FTSJ1: variants seen among roughly 807,000 people sequenced by gnomAD.
FTSJ1 encodes FtsJ RNA 2'-O-methyltransferase 1, also known as tRNA (cytidine(32)/guanosine(34)-2'-O)-methyltransferase.
FTSJ1 carries 3 observed loss-of-function variants against 28.5 expected under a neutral mutation model. The observed-to-expected ratio is 0.11, with a 90% CI of 0.05 to 0.27. The LOEUF (loss-of-function observed/expected upper bound fraction) is 0.27, where lower values mean the gene tolerates loss of function less well. FTSJ1 is among the 10% of genes least tolerant of loss of function. The pLI is 1.00. For synonymous variants in FTSJ1, 104 were observed against 113.9 expected (o/e 0.91, Z 0.55); for missense variants, 162 against 279.0 (o/e 0.58, Z 2.99).
At chrX:48,484,145 C>T (rs1463368336) in intron 12 of FTSJ1, among the ~76,000 whole-genome samples, 1 of 109,766 alleles carries the variant, frequency 9.1e-6, no homozygotes, top group Non-Finnish European at 1.9e-5. Flanking sequence ...TCTCAGCTCA[C>T]GGCAACCTCC....
rs1439918796 is a variant in FTSJ1 at position 48,481,458 on chromosome X, C to T, written c.501C>T (p.Tyr167=). 4 of 1,211,964 alleles carry T rather than the reference C, an allele frequency of 3.3e-6. No homozygotes were observed. The highest frequency in any genetic ancestry group is 4.5e-6 in the Non-Finnish European group (4 of 895,259). The change falls in exon 8 of 13, where the codon TAC becomes TAT. Residue 167 remains tyrosine, a synonymous_variant. Transcript: ENST00000348411. ...IFRGRDVTLL[Y]SQLQVFFSSV... is the part of the protein sequence containing the mutation. Reference sequence around the variant, plus strand: ...GAGGCCGGGATGTGACGCTCCTCTACAGCCAGCTGCAGGTCTTCTTCTCCA... The same window carrying T: ...GAGGCCGGGATGTGACGCTCCTCTATAGCCAGCTGCAGGTCTTCTTCTCCA...
rs2061544249 is a variant in FTSJ1, at chrX:48,478,062, A to G, written c.15A>G (p.Ser5=). Reference sequence around the variant, plus strand: ...TGGTGTGTGAAATGGGACGGACGTCAAAGGACAAGCGGGATGTCTACTACC... The same window carrying G: ...TGGTGTGTGAAATGGGACGGACGTCGAAGGACAAGCGGGATGTCTACTACC... MGRT[S]KDKRDVYYRL... Residue 5 remains serine (S), a synonymous_variant, in exon 2 of 13, where the codon TCA becomes TCG. Transcript: ENST00000348411. The G allele has an allele frequency of 1.7e-6, 2 of 1,209,881 alleles. No individual in the cohort carries two copies. Among genetic ancestry groups the G allele is most frequent in the South Asian group, 1.8e-5 (1 of 56,835 alleles).
chrX:48,482,874 G>A (rs1264313003), intron 11 of FTSJ1, 80 bp downstream of exon 11: 7 of 1,208,224 alleles, frequency 5.8e-6, no homozygotes, highest in Non-Finnish European at 7.8e-6. Flanking sequence ...GGTTTCTGGG[G>A]CCAAAATTCC....
At chrX:48,485,031 C>T (rs2061593281) in intron 12 of FTSJ1, among the ~76,000 whole-genome samples, 1 of 111,795 alleles carries the variant, frequency 8.9e-6, no homozygotes, top group South Asian at 3.7e-4. Context: ...CGTGGCTCAA[C>T]GCCTGTAATC....
rs138008946 is a variant in FTSJ1 at position 48,478,695 on chromosome X, G to T, written c.270G>T (p.Gly90=). The change falls in exon 4 of 13, where the codon GGG becomes GGT. Residue 90 remains glycine, a synonymous_variant. Coordinates refer to ENST00000348411, the MANE Select transcript of FTSJ1 (RefSeq NM_012280.4). The stretch of plus-strand genomic sequence containing the variant: ...TACCAGGTGTGGTACAGATCCAGGG[G>T]GACATCACCCAGGTAAGAGCATGGC... ...APLPGVVQIQ[G]DITQLSTAKE... is the part of the protein sequence containing the mutation. 1.1e-3 allele frequency: 1,295 copies of T among 1,193,698 alleles called. 2 individuals are homozygous for T. Among genetic ancestry groups the T allele is most frequent in the African/African-American group, 7.3e-3 (416 of 57,159 alleles).
chrX:48,477,618 TG>T (rs1183815189), intron 1 of FTSJ1, among the ~76,000 whole-genome samples: 2 of 111,273 alleles, frequency 1.8e-5, no homozygotes, highest in Non-Finnish European at 3.8e-5. Context: ...GAGATTTTAA[TG>T]GGCATGACAT....
Position 48,478,141 on chromosome X carries a change from C to T in FTSJ1, c.94C>T (p.Leu32=), listed in dbSNP as rs781889469. ...RARSAFKLLQ[L]DKEFQLFQGV... is the part of the protein sequence containing the mutation. Reference sequence around the variant, plus strand: ...TCGCAGCGCCTTCAAACTGCTACAACTGGATAAGGAATTCCAACTCTTCCA... The same window carrying T: ...TCGCAGCGCCTTCAAACTGCTACAATTGGATAAGGAATTCCAACTCTTCCA... The change falls in exon 2 of 13, where the codon CTG becomes TTG. Residue 32 remains leucine, a synonymous_variant. Coordinates refer to ENST00000348411, the MANE Select transcript of FTSJ1 (RefSeq NM_012280.4). 4 of 1,208,060 alleles carry T rather than the reference C, an allele frequency of 3.3e-6. No individual in the cohort carries two copies. Among genetic ancestry groups the T allele is most frequent in the Non-Finnish European group, 3.4e-6 (3 of 894,080 alleles).
intron 5 of FTSJ1, 119 bp downstream of exon 5, chrX:48,479,235 A>C (rs1392838936): frequency 1.9e-6 from 1 of 513,452 alleles, no homozygotes; most frequent in Admixed American, 2.7e-5. Context: ...TCCCTTCCGC[A>C]CTCAGCTTTC....
At chrX:48,481,023 C>T in intron 5 of FTSJ1, 128 bp from the exon 6 acceptor site, 1 of 591,536 alleles carries the variant, frequency 1.7e-6, no homozygotes, top group African/African-American at 2.2e-5. Flanking sequence ...AGTTGGCAGA[C>T]AGTAATTTGC....
At chrX:48,477,290 G>C (rs59916075) in intron 1 of FTSJ1, among the ~76,000 whole-genome samples, 1 of 110,768 alleles carries the variant, frequency 9.0e-6, no homozygotes, top group Admixed American at 9.6e-5. Flanking sequence ...CAGGGCAGGA[G>C]GCTAGTGCTG....
At chrX:48,476,947 A>G (rs2268954) in intron 1 of FTSJ1, among the ~76,000 whole-genome samples, 21,994 of 108,879 alleles carry the variant, frequency 0.2, 1,819 homozygotes, top group East Asian at 0.46. Flanking sequence ...GATGATGGTG[A>G]GGTTGTGGGG....
chrX:48,476,676 TGAG>T (rs2061534195), intron 1 of FTSJ1: 1 of 132,422 alleles, frequency 7.6e-6, no homozygotes, highest in Admixed American at 9.0e-5. Flanking sequence ...GAGGTATTGA[TGAG>T]GAGGGACGGG....
intron 1 of FTSJ1, among the ~76,000 whole-genome samples, chrX:48,477,320 T>A (rs1488800391): frequency 9.0e-6 from 1 of 110,842 alleles, no homozygotes; most frequent in Admixed American, 9.6e-5. Context: ...AAGGGTCTAT[T>A]GGAGAAAACT....
In FTSJ1 at chrX:48,481,692, A is replaced by G. The variant is rs2061570419; in HGVS notation, c.632A>G (p.Lys211Arg). The change falls in exon 9 of 13, where the codon AAA becomes AGA. Residue 211 changes from lysine (K) to arginine (R), a missense_variant. By Grantham distance (26) the Lys-to-Arg change is conservative. Transcript: ENST00000348411. ...GAGGGCTTCATCCCGGACCTGAGCAAACCCCTGCTGGACCATTCTTACGGT... is the reference window on the plus strand; with the variant it reads ...GAGGGCTTCATCCCGGACCTGAGCAGACCCCTGCTGGACCATTCTTACGGT... ...PPEGFIPDLS[K>R]PLLDHSYDPD... 1 of 1,184,173 alleles carries G rather than the reference A, an allele frequency of 8.4e-7. No individual in the cohort carries two copies. The highest frequency in any genetic ancestry group is 1.1e-6 in the Non-Finnish European group (1 of 870,143).
At chrX:48,483,374 T>C (rs1331418119) in intron 12 of FTSJ1, 2 of 194,589 alleles carry the variant, frequency 1.0e-5, no homozygotes, top group Non-Finnish European at 1.9e-5. Context: ...ACATATATAC[T>C]ATATAGCTTG....
chrX:48,480,616 G>A (rs782662566), intron 5 of FTSJ1, among the ~76,000 whole-genome samples: 6 of 111,078 alleles, frequency 5.4e-5, no homozygotes, highest in Admixed American at 9.6e-5. Flanking sequence ...GGCAGAAGCA[G>A]GGGCTCCGGG....
At chrX:48,485,149 C>T (rs1392710700) in intron 12 of FTSJ1, among the ~76,000 whole-genome samples, 2 of 111,603 alleles carry the variant, frequency 1.8e-5, no homozygotes, top group Non-Finnish European at 3.8e-5. Context: ...CAAAAATTAA[C>T]CGGGCATGGT....
rs782379167 is a variant in FTSJ1, at chrX:48,482,673, C to T, written c.836C>T (p.Thr279Met). The T allele has an allele frequency of 5.0e-6, 6 of 1,203,013 alleles. No homozygotes were observed. The highest frequency in any genetic ancestry group is 2.3e-4 in the Middle Eastern group (1 of 4,361). The change falls in exon 11 of 13, where the codon ACG (threonine) becomes ATG (methionine). Residue 279 changes from threonine to methionine, a missense_variant. Coordinates refer to ENST00000348411, the MANE Select transcript of FTSJ1 (RefSeq NM_012280.4). Reference sequence around the variant, plus strand: ...TCGCCACCATACCAGGAGGCCTGCACGTTGAAGAGGAAGGGGCAGCTGGCC... The same window carrying T: ...TCGCCACCATACCAGGAGGCCTGCATGTTGAAGAGGAAGGGGCAGCTGGCC... Reference protein sequence around the residue: ...PISPPYQEACTLKRKGQLAKE... With the variant: ...PISPPYQEACMLKRKGQLAKE...
chrX:48,477,239 T>C (rs782611843), intron 1 of FTSJ1, among the ~76,000 whole-genome samples: 43 of 110,717 alleles, frequency 3.9e-4, no homozygotes, highest in Non-Finnish European at 7.6e-4. Flanking sequence ...AATGGGGAAC[T>C]GATGTGTGAT....
Sources: allele counts gnomAD v4.1 joint callset (sites outside exome capture counted in the v4.1 genomes callset), GRCh38; gene constraint gnomAD v4.1.1; transcripts MANE v1.5; gene names NCBI Gene and HGNC (gene_info 2026-07-23, HGNC 2026-07-21).